Variants in A2ML1 observed in about 807,000 individuals in gnomAD.
The protein encoded by A2ML1 is alpha-2-macroglobulin-like protein 1.
A2ML1 carries 161 observed loss-of-function variants against 181.9 expected under a neutral mutation model. That is an observed-to-expected ratio of 0.89 (90% CI 0.78 to 1.01). The LOEUF (loss-of-function observed/expected upper bound fraction) is 1.01, where lower values mean the gene tolerates loss of function less well. Ranked by LOEUF, A2ML1 falls within the 50% of genes least tolerant of loss-of-function variation. The pLI, the probability that A2ML1 is intolerant of heterozygous loss-of-function variation, is 0.00. For missense variants in A2ML1, 1,670 were observed against 1,768.1 expected (o/e 0.94, Z 1.00); for synonymous variants, 663 against 666.8 (o/e 0.99, Z 0.09).
At chr12:8,828,878 A>G (rs1565461817) in intron 3 of A2ML1, among the ~76,000 whole-genome samples, 1 of 152,164 alleles carries the variant, frequency 6.6e-6, no homozygotes, top group Non-Finnish European at 1.5e-5. Context: ...TGCTCCCTCC[A>G]TGGGCACTGG....
At chr12:8,836,570 G>A (rs1008004864) in intron 7 of A2ML1, among the ~76,000 whole-genome samples, 4 of 142,862 alleles carry the variant, frequency 2.8e-5, no homozygotes, top group Non-Finnish European at 6.0e-5. Context: ...TGCAACCTCC[G>A]CCTCATGGGT....
At chr12:8,837,883 C>T (rs1191123847) in intron 8 of A2ML1, among the ~76,000 whole-genome samples, 2 of 109,172 alleles carry the variant, frequency 1.8e-5, no homozygotes, top group Non-Finnish European at 3.7e-5. Context: ...CAGTCCCCCT[C>T]CCCCACCGAA....
At chr12:8,864,077 C>T in intron 29 of A2ML1, 69 bp downstream of exon 29, 1 of 1,442,708 alleles carries the variant, frequency 6.9e-7, no homozygotes, top group Non-Finnish European at 9.6e-7. Flanking sequence ...TAGAGGAAAA[C>T]ATATTGTCCT....
chr12:8,847,837 T>G (rs766561008), intron 15 of A2ML1, 139 bp downstream of exon 15: 6 of 1,218,046 alleles, frequency 4.9e-6, no homozygotes, highest in Non-Finnish European at 6.6e-6. Flanking sequence ...GGTGTGAAAA[T>G]GAAGTTAGAA....
At chr12:8,857,141 C>T (rs1419579762) in intron 23 of A2ML1, 23 bp from the exon 24 acceptor site, 2 of 1,604,818 alleles carry the variant, frequency 1.2e-6, no homozygotes, top group Non-Finnish European at 1.7e-6. Flanking sequence ...CCCCTACCTT[C>T]TCTCTCTCCT....
rs1366124688 is a variant in A2ML1 at position 8,848,880 on chromosome 12, T to C, written c.1994T>C (p.Phe665Ser). 1 of 1,614,060 alleles carries C rather than the reference T, an allele frequency of 6.2e-7. No homozygotes were observed. Among genetic ancestry groups the C allele is most frequent in the South Asian group, 1.1e-5 (1 of 91,048 alleles). The change falls in exon 16 of 36, where the codon TTC becomes TCC. Residue 665 changes from phenylalanine (F) to serine (S), a missense_variant. By Grantham distance (155) the Phe-to-Ser change is radical. Coordinates refer to ENST00000299698, the MANE Select transcript of A2ML1 (RefSeq NM_144670.6). ...SQRSIIWRPS[F>S]SEGTDLFSFF... ...CGTTCCATTATCTGGAGGCCCTCGTTCTCTGAAGGCACGGACCTTTTCAGC... is the reference window on the plus strand; with the variant it reads ...CGTTCCATTATCTGGAGGCCCTCGTCCTCTGAAGGCACGGACCTTTTCAGC...
In A2ML1 at chr12:8,843,213, G is replaced by A. The variant is rs142219499; in HGVS notation, c.1328G>A (p.Arg443Gln). Residue 443 changes from arginine (R) to glutamine (Q), a missense_variant, in exon 12 of 36, where the codon CGA (arginine) becomes CAA (glutamine). Physicochemically the swap from Arg to Gln is conservative, Grantham distance 43 (BLOSUM62 1). Coordinates refer to ENST00000299698, the MANE Select transcript of A2ML1 (RefSeq NM_144670.6). ...TACCAAAATGCCTACCTGCACCTGC[G>A]ACCCTTCTACAGCACAACCCGCAGC... ...RYYQNAYLHL[R>Q]PFYSTTRSFL... The A allele has an allele frequency of 6.8e-5, 109 of 1,614,134 alleles. No individual in the cohort carries two copies. In the Admixed American group the frequency reaches 9.3e-4, roughly 14 times the overall value.
At chr12:8,862,721 T>C (rs1252755723) in intron 28 of A2ML1, among the ~76,000 whole-genome samples, 2 of 92,046 alleles carry the variant, frequency 2.2e-5, no homozygotes, top group Non-Finnish European at 5.2e-5. Flanking sequence ...AGTCATGAAA[T>C]GTGTGTCCGA....
chr12:8,858,073 G>A lies in A2ML1; in HGVS notation c.3235G>A (p.Val1079Met), dbSNP rs376593636. 2.2e-5 allele frequency: 36 copies of A among 1,614,010 alleles called. No individual in the cohort carries two copies. Among genetic ancestry groups the A allele is most frequent in the African/African-American group, 1.6e-4 (12 of 74,892 alleles). The change falls in exon 26 of 36, where the codon GTG (valine) becomes ATG (methionine). Residue 1079 changes from valine (V) to methionine (M), a missense_variant. Physicochemically the swap from Val to Met is conservative, Grantham distance 21. Coordinates refer to ENST00000299698, the MANE Select transcript of A2ML1 (RefSeq NM_144670.6). ...GCTCCCCAGTGGCTGCTATGCCAAC[G>A]TGGGAAATCTCCTTCACACAGCTAT... ...NQLPSGCYAN[V>M]GNLLHTAMKG... is the part of the protein sequence containing the mutation.
intron 28 of A2ML1, among the ~76,000 whole-genome samples, chr12:8,861,626 T>G (rs1036694856): frequency 6.6e-6 from 1 of 152,034 alleles, no homozygotes; most frequent in Non-Finnish European, 1.5e-5. Context: ...TAGCTGGGAC[T>G]ACAGGCGCCC....
chr12:8,837,609 C>T (rs751547523), intron 8 of A2ML1, 43 bp downstream of exon 8: 6 of 1,564,722 alleles, frequency 3.8e-6, no homozygotes, highest in South Asian at 1.1e-5. Context: ...CGGCCAGGCA[C>T]GGTGGCTCAC....
At chr12:8,855,075 A>G (rs1028076195) in intron 22 of A2ML1, among the ~76,000 whole-genome samples, 1 of 151,946 alleles carries the variant, frequency 6.6e-6, no homozygotes, top group Non-Finnish European at 1.5e-5. Flanking sequence ...TTGTATTTTT[A>G]GTAGAGATGG....
At position 8,871,080 on chromosome 12, in the gene A2ML1, C is replaced by T. The variant is rs1592160250; in HGVS notation, c.4221+1877C>T. On this transcript the variant is annotated intron_variant, in intron 33 of 35. Transcript: ENST00000299698. ...CTCTAGGTACATGCCATCCCTCTCC[C>T]ACAATCTCAGACAAGCAATGTTTTT... Among the ~76,000 whole-genome samples, 3 of 152,284 alleles carry T rather than the reference C, an allele frequency of 2.0e-5. No individual in the cohort carries two copies. The South Asian group carries it at 6.2e-4, about 32-fold the overall frequency.
chr12:8,868,663 T>G (rs1944514782), intron 32 of A2ML1, 36 bp downstream of exon 32: 1 of 1,576,240 alleles, frequency 6.3e-7, no homozygotes, highest in Non-Finnish European at 8.7e-7. Flanking sequence ...TATCTAGCTG[T>G]GAGGGGACCT....
At position 8,848,824 on chromosome 12, in the gene A2ML1, T is replaced by A; in HGVS notation, c.1938T>A (p.Ile646=). The A allele has an allele frequency of 6.2e-7, 1 of 1,614,186 alleles. No individual in the cohort carries two copies. Among genetic ancestry groups the A allele is most frequent in the East Asian group, 2.2e-5 (1 of 44,874 alleles). Residue 646 remains isoleucine, a synonymous_variant, in exon 16 of 36, where the codon ATT becomes ATA. Coordinates refer to ENST00000299698, the MANE Select transcript of A2ML1 (RefSeq NM_144670.6). ...CATGGGACTTTCCTCAGCCCCTCAT[T>A]GACCCAATGCCCCAAGGGCATTCGA... ...SGPWDFPQPL[I]DPMPQGHSSQ...
intron 7 of A2ML1, among the ~76,000 whole-genome samples, chr12:8,883,562 C>T (rs1944890070): frequency 6.6e-6 from 1 of 152,042 alleles, no homozygotes; most frequent in Non-Finnish European, 1.5e-5. Context: ...ACTGCAACCT[C>T]CACCTCCCAG....
chr12:8,843,473 A>G lies in A2ML1; in HGVS notation c.1476+112A>G, dbSNP rs1012358593. ...CTGAATTGCAGATGCACATCTAATT[A>G]AAAACAATTTTAAAGCCACACTAAA... On this transcript the variant is annotated intron_variant, in intron 12 of 35. Coordinates refer to ENST00000299698, the MANE Select transcript of A2ML1 (RefSeq NM_144670.6). 8.5e-6 allele frequency: 8 copies of G among 938,380 alleles called. No homozygotes were observed. The South Asian group carries it at 1.2e-4, about 14-fold the overall frequency. 58.1% of individuals were successfully genotyped at this position (938,380 alleles called of 1,614,324 possible). A position where few individuals can be genotyped will look rare whatever the true frequency, so the allele number is the denominator to read the frequency against.
In A2ML1 at chr12:8,847,570, T is replaced by C. The variant is rs745430955; in HGVS notation, c.1705T>C (p.Ser569Pro). ...DNQVSLGFSP[S>P]QQLPGAEVEL... The stretch of plus-strand genomic sequence containing the variant: ...CCAGGTTTCCCTTGGCTTCTCCCCC[T>C]CCCAGCAGCTTCCAGGAGCAGAAGT... The change falls in exon 15 of 36, where the codon TCC becomes CCC. Residue 569 changes from serine to proline, a missense_variant. Physicochemically the swap from Ser to Pro is moderately conservative, Grantham distance 74. Coordinates refer to ENST00000299698, the MANE Select transcript of A2ML1 (RefSeq NM_144670.6). The C allele has an allele frequency of 1.2e-6, 2 of 1,612,560 alleles. No individual in the cohort carries two copies. The highest frequency in any genetic ancestry group is 1.7e-6 in the Non-Finnish European group (2 of 1,179,356).
In A2ML1 at chr12:8,823,755, C is replaced by G. The variant is rs185046854; in HGVS notation, c.282C>G (p.Ala94=). ...PPPAGGTEEV[A]TIRVSGVGNN... ...CTGCTGGTGGCACAGAAGAAGTGGC[C>G]ACAATCCGGGTGTCGGGAGTTGGAA... Residue 94 remains alanine, a synonymous_variant, in exon 3 of 36, where the codon GCC becomes GCG. Coordinates refer to ENST00000299698, the MANE Select transcript of A2ML1 (RefSeq NM_144670.6). The G allele has an allele frequency of 1.9e-6, 3 of 1,613,896 alleles. No homozygotes were observed. In the African/African-American group the frequency reaches 4.0e-5, roughly 22 times the overall value.
Sources: allele counts gnomAD v4.1 joint callset (sites outside exome capture counted in the v4.1 genomes callset), GRCh38; gene constraint gnomAD v4.1.1; transcripts MANE v1.5; gene names NCBI Gene and HGNC (gene_info 2026-07-23, HGNC 2026-07-21).